WWOX: variants seen among roughly 807,000 people sequenced by gnomAD.
WWOX encodes WW domain-containing oxidoreductase.
Under a neutral mutation model 46.2 loss-of-function variants are expected in WWOX, and 69 were observed. The observed-to-expected ratio is 1.49, with a 90% CI of 1.23 to 1.82. WWOX has a LOEUF of 1.82. Among genes scored for constraint, WWOX ranks in the 40% most tolerant of loss-of-function variants. The pLI, the probability that WWOX is intolerant of heterozygous loss-of-function variation, is 0.00. For missense variants in WWOX, 919 were observed against 542.6 expected, an observed-to-expected ratio of 1.69 and a Z score of -6.89; for synonymous variants, 359 against 202.6, an observed-to-expected ratio of 1.77 and a Z score of -6.56.
chr16:78,675,974 A>G (rs2047588713), intron 8 of WWOX, among the ~76,000 whole-genome samples: 1 of 152,150 alleles, frequency 6.6e-6, no homozygotes, highest in Non-Finnish European at 1.5e-5. Context: ...ATTTAAATCA[A>G]TCCAAGATTT....
At chr16:78,790,855 C>CA (rs1372586272) in intron 8 of WWOX, among the ~76,000 whole-genome samples, 1 of 151,336 alleles carries the variant, frequency 6.6e-6, no homozygotes, top group South Asian at 2.1e-4. Context: ...CTCATTTCTA[C>CA]AAAAAATACA....
At chr16:78,846,458 G>T (rs969683316) in intron 8 of WWOX, among the ~76,000 whole-genome samples, 6 of 151,976 alleles carry the variant, frequency 3.9e-5, no homozygotes, top group African/African-American at 1.4e-4. Context: ...TGAAATTTTT[G>T]AAGAGTTCCG....
intron 8 of WWOX, among the ~76,000 whole-genome samples, chr16:78,823,359 A>T (rs2051557746): frequency 6.6e-6 from 1 of 152,192 alleles, no homozygotes. Context: ...ATAAGGAAGG[A>T]CAGACTCCCA....
At chr16:78,604,404 C>T (rs1207856321) in intron 8 of WWOX, among the ~76,000 whole-genome samples, 2 of 152,018 alleles carry the variant, frequency 1.3e-5, no homozygotes, top group Non-Finnish European at 2.9e-5. Context: ...ATTCATGGAG[C>T]CCTTGTACCA....
chr16:79,126,722 G>C (rs143144700), intron 8 of WWOX, among the ~76,000 whole-genome samples: 53 of 152,340 alleles, frequency 3.5e-4, no homozygotes, highest in Admixed American at 1.1e-3. Flanking sequence ...AAACTGAGTT[G>C]AGGGGTCAGT....
intron 8 of WWOX, among the ~76,000 whole-genome samples, chr16:78,862,748 C>G (rs1245770655): frequency 6.6e-6 from 1 of 152,066 alleles, no homozygotes; most frequent in East Asian, 1.9e-4. Context: ...CTCACTCAGC[C>G]TTTTATTTTA....
intron 8 of WWOX, among the ~76,000 whole-genome samples, chr16:79,028,721 A>C (rs1008882362): frequency 6.6e-5 from 10 of 151,850 alleles, no homozygotes; most frequent in African/African-American, 2.4e-4. Flanking sequence ...TTTACTCTCT[A>C]AACTTCTTTC....
chr16:78,889,533 A>C (rs1457608941), intron 8 of WWOX, among the ~76,000 whole-genome samples: 1 of 152,102 alleles, frequency 6.6e-6, no homozygotes, highest in East Asian at 1.9e-4. Context: ...GCTATACGAC[A>C]GCCATAAGTA....
At chr16:78,798,766 A>G (rs929031006) in intron 8 of WWOX, among the ~76,000 whole-genome samples, 1 of 152,202 alleles carries the variant, frequency 6.6e-6, no homozygotes, top group African/African-American at 2.4e-5. Context: ...TTTTTCTACT[A>G]TTAACATAAA....
At chr16:78,523,287 T>A (rs1402804068) in intron 8 of WWOX, among the ~76,000 whole-genome samples, 1 of 152,192 alleles carries the variant, frequency 6.6e-6, no homozygotes, top group Non-Finnish European at 1.5e-5. Flanking sequence ...TGTGCCAGTA[T>A]ATATAAATTC....
At chr16:78,886,496 T>G (rs1458823514) in intron 8 of WWOX, among the ~76,000 whole-genome samples, 2 of 151,870 alleles carry the variant, frequency 1.3e-5, no homozygotes, top group Non-Finnish European at 2.9e-5. Flanking sequence ...TGTACAAAAT[T>G]CCGTATCTGA....
intron 8 of WWOX, among the ~76,000 whole-genome samples, chr16:78,483,453 T>C (rs2084547610): frequency 6.7e-6 from 1 of 149,796 alleles, no homozygotes; most frequent in African/African-American, 2.5e-5. Context: ...AGTTTCTTAA[T>C]GGTCTTTAGC....
intron 8 of WWOX, among the ~76,000 whole-genome samples, chr16:78,543,467 G>T (rs962046979): frequency 9.8e-5 from 15 of 152,334 alleles, no homozygotes; most frequent in Non-Finnish European, 1.9e-4. Context: ...TGTGAACAGA[G>T]CAAAAGGGCA....
chr16:78,836,880 G>C (rs1157153008), intron 8 of WWOX, among the ~76,000 whole-genome samples: 2 of 152,080 alleles, frequency 1.3e-5, no homozygotes, highest in Non-Finnish European at 2.9e-5. Flanking sequence ...GCAGTAGATG[G>C]GCTTTTGCGA....
intron 8 of WWOX, among the ~76,000 whole-genome samples, chr16:78,527,665 C>T (rs1290134450): frequency 6.6e-6 from 1 of 152,110 alleles, no homozygotes; most frequent in Non-Finnish European, 1.5e-5. Context: ...CACCTTACAG[C>T]TCACTAACCC....
At chr16:79,196,001 A>C (rs907083185) in intron 8 of WWOX, among the ~76,000 whole-genome samples, 34 of 152,232 alleles carry the variant, frequency 2.2e-4, no homozygotes, top group Non-Finnish European at 3.7e-4. Flanking sequence ...GGGGACAATA[A>C]TACTACTAAT....
At chr16:78,739,989 A>C (rs1417065858) in intron 8 of WWOX, among the ~76,000 whole-genome samples, 1 of 152,138 alleles carries the variant, frequency 6.6e-6, no homozygotes, top group Non-Finnish European at 1.5e-5. Context: ...CGGTGGAGAC[A>C]TTGCCTCAGG....
intron 8 of WWOX, among the ~76,000 whole-genome samples, chr16:78,837,301 A>T (rs536573767): frequency 2.6e-5 from 4 of 152,292 alleles, no homozygotes; most frequent in Admixed American, 6.5e-5. Flanking sequence ...ATTTCTTCCA[A>T]CACTTAGAGA....
chr16:78,496,166 C>G (rs1307937158), intron 8 of WWOX: 1 of 152,170 alleles, frequency 6.6e-6, no homozygotes, highest in Non-Finnish European at 1.5e-5. Context: ...TCCCCTAAAT[C>G]TTCATTCTCG....
Sources: allele counts gnomAD v4.1 joint callset (sites outside exome capture counted in the v4.1 genomes callset), GRCh38; gene constraint gnomAD v4.1.1; transcripts MANE v1.5; gene names NCBI Gene and HGNC (gene_info 2026-07-23, HGNC 2026-07-21).